ANKFN1: variants seen among roughly 807,000 people sequenced by gnomAD.
ANKFN1 encodes the protein ankyrin repeat and fibronectin type III domain containing 1.
In ANKFN1, 74 loss-of-function variants were observed where a neutral mutation model predicts 108.7. The ratio of observed to expected loss-of-function variants is 0.68; its 90% CI spans 0.56 to 0.83. ANKFN1 has a LOEUF of 0.83. Ranked by LOEUF, ANKFN1 falls within the 40% of genes least tolerant of loss-of-function variation. ANKFN1 has a pLI of 0.00. For synonymous variants in ANKFN1, 547 were observed against 516.2 expected (o/e 1.06, Z -0.81); for missense variants, 1,505 against 1,382.3 (o/e 1.09, Z -1.41).
intron 19 of ANKFN1, among the ~76,000 whole-genome samples, chr17:56,493,282 T>C (rs2051098816): frequency 6.6e-6 from 1 of 152,050 alleles, no homozygotes; most frequent in South Asian, 2.1e-4. Context: ...AACAAATAAG[T>C]TTTGTGTCAG....
chr17:56,141,256 T>C (rs1216632390), intron 4 of ANKFN1, among the ~76,000 whole-genome samples: 1 of 152,198 alleles, frequency 6.6e-6, no homozygotes, highest in Non-Finnish European at 1.5e-5. Context: ...CACAAGCCAA[T>C]CTTGCCAGTA....
chr17:56,509,205 C>T (rs1009889222), intron 20 of ANKFN1, among the ~76,000 whole-genome samples: 1 of 152,156 alleles, frequency 6.6e-6, no homozygotes, highest in Non-Finnish European at 1.5e-5. Context: ...ATTTTGGGTT[C>T]GTGTTACCAA....
chr17:56,223,221 C>A (rs1311106919), intron 2 of ANKFN1, among the ~76,000 whole-genome samples: 1 of 152,082 alleles, frequency 6.6e-6, no homozygotes, highest in Non-Finnish European at 1.5e-5. Context: ...GAAGGATAAC[C>A]TCACATGCTG....
At chr17:56,141,792 T>G (rs1490405457) in intron 4 of ANKFN1, among the ~76,000 whole-genome samples, 1 of 151,788 alleles carries the variant, frequency 6.6e-6, no homozygotes, top group Non-Finnish European at 1.5e-5. Flanking sequence ...AGTGTGGGGG[T>G]GGATAATTTC....
At chr17:56,391,325 T>C (rs2047427703) in intron 8 of ANKFN1, among the ~76,000 whole-genome samples, 2 of 147,138 alleles carry the variant, frequency 1.4e-5, no homozygotes, top group Non-Finnish European at 3.0e-5. Flanking sequence ...TGTGTACATA[T>C]ATATATATAT....
intron 4 of ANKFN1, among the ~76,000 whole-genome samples, chr17:56,059,217 G>A (rs975714094): frequency 6.6e-6 from 1 of 151,988 alleles, no homozygotes; most frequent in African/African-American, 2.4e-5. Flanking sequence ...ATGTTTTTTG[G>A]CCATGTAAAT....
chr17:56,180,480 T>C (rs1424464155), intron 1 of ANKFN1, among the ~76,000 whole-genome samples: 1 of 152,144 alleles, frequency 6.6e-6, no homozygotes, highest in Non-Finnish European at 1.5e-5. Flanking sequence ...AACTAAGCAG[T>C]TAAAACGAAC....
chr17:56,178,907 A>G (rs1911422548), intron 1 of ANKFN1, among the ~76,000 whole-genome samples: 1 of 149,724 alleles, frequency 6.7e-6, no homozygotes, highest in Admixed American at 6.6e-5. Flanking sequence ...AAATTCTATT[A>G]TTAATATTAA....
chr17:56,220,843 G>T (rs1413945346), intron 2 of ANKFN1, among the ~76,000 whole-genome samples: 20 of 86,790 alleles, frequency 2.3e-4, no homozygotes, highest in African/African-American at 1.5e-3. Context: ...AGGAAGGGAG[G>T]GAGGGAGGAA....
intron 4 of ANKFN1, among the ~76,000 whole-genome samples, chr17:56,121,080 C>G (rs1356966676): frequency 6.6e-6 from 1 of 152,084 alleles, no homozygotes; most frequent in African/African-American, 2.4e-5. Context: ...TATCACCACC[C>G]AGATAAAAAT....
At chr17:56,210,897 C>T (rs944359597) in intron 1 of ANKFN1, among the ~76,000 whole-genome samples, 8 of 152,164 alleles carry the variant, frequency 5.3e-5, no homozygotes, top group Non-Finnish European at 1.0e-4. Context: ...TACCTCCCAT[C>T]GGGTCCCTCC....
intron 4 of ANKFN1, among the ~76,000 whole-genome samples, chr17:56,106,109 A>G (rs560999685): frequency 3.3e-5 from 5 of 152,238 alleles, no homozygotes; most frequent in Admixed American, 3.3e-4. Context: ...CTTTCTAAAT[A>G]CTATAATATA....
At position 56,339,522 on chromosome 17, in the gene ANKFN1, C is replaced by A. The variant is rs144340992; in HGVS notation, c.189-11244C>A. On this transcript the variant is annotated intron_variant, in intron 4 of 20. Transcript: ENST00000682825. ...TCCCCTCTATGTGTCCATGTGTTAT[C>A]ATTTAGCTCTCACTTATAAGTGACA... Among the ~76,000 whole-genome samples, 1,410 of 152,194 alleles carry A rather than the reference C, an allele frequency of 9.3e-3. 19 individuals carry two copies. The highest frequency in any genetic ancestry group is 0.032 in the African/African-American group (1,329 of 41,550).
rs543424194 is a variant in ANKFN1 at position 56,235,733 on chromosome 17, A to G, written c.53+7776A>G. ...CCTATGTGTCTATTTTTGTGCCAGT[A>G]CCATGCTATTTTGGTTACCGCAGCC... On this transcript the variant is annotated intron_variant, in intron 3 of 20. Transcript: ENST00000682825. Among the ~76,000 whole-genome samples the G allele has an allele frequency of 5.9e-5, 9 of 152,280 alleles. No homozygotes were observed. In the East Asian group the frequency reaches 1.7e-3, roughly 29 times the overall value.
rs768939708 is a variant in ANKFN1, at chr17:56,095,550, C to T, written c.288+49225C>T. 2.3e-4 allele frequency among the ~76,000 whole-genome samples: 33 copies of T among 141,418 alleles called. 1 individual carries two copies. Among genetic ancestry groups the T allele is most frequent in the Non-Finnish European group, 4.8e-5 (3 of 62,358 alleles). 92.8% of individuals were successfully genotyped at this position (141,418 alleles called of 152,430 possible). On this transcript the variant is annotated intron_variant, in intron 4 of 12. Coordinates refer to the ANKFN1 transcript ENST00000635860. ...CTCCTGGCCTCAAGCAATCTTCCCG[C>T]CTCAGCCTCCCAAAGTGCTGGGACT...
At chr17:56,121,640 A>G (rs1283899627) in intron 4 of ANKFN1, among the ~76,000 whole-genome samples, 1 of 151,920 alleles carries the variant, frequency 6.6e-6, no homozygotes, top group Non-Finnish European at 1.5e-5. Flanking sequence ...AGGGTGGGGG[A>G]GAGGTCTGAA....
intron 1 of ANKFN1, 27 bp downstream of exon 1, chr17:56,153,557 G>C (rs773756465): frequency 6.2e-7 from 1 of 1,613,194 alleles, no homozygotes; most frequent in Admixed American, 1.7e-5. Context: ...TCTAAATATC[G>C]GTAATTGGTG....
At chr17:56,105,222 A>G (rs970204063) in intron 4 of ANKFN1, among the ~76,000 whole-genome samples, 13 of 152,260 alleles carry the variant, frequency 8.5e-5, no homozygotes, top group Middle Eastern at 6.8e-3. Context: ...TGGAAACAAT[A>G]GTCAAGGAGC....
intron 4 of ANKFN1, among the ~76,000 whole-genome samples, chr17:56,075,579 G>A (rs1031190468): frequency 6.6e-6 from 1 of 152,062 alleles, no homozygotes; most frequent in African/African-American, 2.4e-5. Flanking sequence ...CCCCTTTGCA[G>A]TCAGAAGGTA....
Sources: gnomAD v4.1 joint callset for allele counts (sites outside exome capture counted in the v4.1 genomes callset) on GRCh38, gnomAD v4.1.1 for gene constraint, MANE v1.5 for transcripts, NCBI Gene and HGNC (gene_info 2026-07-23, HGNC 2026-07-21) for gene names.